The following SGCD variants were observed in gnomAD, a reference collection of about 807,000 sequenced individuals.
The protein encoded by SGCD is delta-sarcoglycan.
A neutral mutation model predicts 36.6 loss-of-function variants in SGCD; 18 were observed. That is an observed-to-expected ratio of 0.49 (90% CI 0.34 to 0.73). The LOEUF (loss-of-function observed/expected upper bound fraction) is 0.73, where lower values mean the gene tolerates loss of function less well. SGCD is among the 30% of genes least tolerant of loss of function. The pLI, the probability that SGCD is intolerant of heterozygous loss-of-function variation, is 0.01. For synonymous variants in SGCD, 133 were observed against 130.6 expected (o/e 1.02, Z -0.12); for missense variants, 387 against 346.7 (o/e 1.12, Z -0.92).
chr5:156,475,661 C>T (rs1012831249), intron 3 of SGCD, among the ~76,000 whole-genome samples: 2 of 152,146 alleles, frequency 1.3e-5, no homozygotes, highest in African/African-American at 4.8e-5. Flanking sequence ...GCAAGCCTGC[C>T]GCTAACCAAG....
At chr5:156,343,672 C>T (rs532409792) in intron 2 of SGCD, among the ~76,000 whole-genome samples, 6 of 152,234 alleles carry the variant, frequency 3.9e-5, no homozygotes, top group African/African-American at 1.4e-4. Flanking sequence ...TTCTAAAGGG[C>T]ATCAACGTAT....
the SGCD span, among the ~76,000 whole-genome samples, chr5:155,840,150 T>A: frequency 6.6e-6 from 1 of 152,110 alleles, no homozygotes; most frequent in Non-Finnish European, 1.5e-5. Context: ...ATTTTGTTGT[T>A]GAAATTTTTC....
chr5:155,816,251 C>T, the SGCD span, among the ~76,000 whole-genome samples: 1 of 152,146 alleles, frequency 6.6e-6, no homozygotes, highest in African/African-American at 2.4e-5. Context: ...CCTCATATAA[C>T]TTTTGACTCC....
chr5:156,489,259 AAGAT>A (rs1279082681), intron 3 of SGCD, among the ~76,000 whole-genome samples: 1 of 152,092 alleles, frequency 6.6e-6, no homozygotes, highest in Non-Finnish European at 1.5e-5. Context: ...TCTAAAGAGA[AAGAT>A]AGACTCCTAT....
Position 156,478,678 on chromosome 5 carries a change from T to G in SGCD, c.193-29923T>G, listed in dbSNP as rs1355790615. On this transcript the variant is annotated intron_variant, in intron 3 of 8. Transcript: ENST00000337851. Reference sequence around the variant, plus strand: ...TCACTGCAACCTCCGCCTCATGGTTTCAAGCAATTCTCCTGCCTCAGCCTC... The same window carrying G: ...TCACTGCAACCTCCGCCTCATGGTTGCAAGCAATTCTCCTGCCTCAGCCTC... Among the ~76,000 whole-genome samples the G allele has an allele frequency of 1.7e-4, 26 of 152,188 alleles. 1 individual carries two copies. The highest frequency in any genetic ancestry group is 1.7e-3 in the Admixed American group (26 of 15,280).
rs563559260 is a variant in SGCD, at chr5:156,580,669, C to A, written c.295-8562C>A. On this transcript the variant is annotated intron_variant, in intron 4 of 8. Coordinates refer to ENST00000337851, the MANE Select transcript of SGCD (RefSeq NM_000337.6). ...AATTTGATCTTCAATCACTGATAAC[C>A]TTTTCTTCTACTTGATTGAATCAGC... Among the ~76,000 whole-genome samples the A allele has an allele frequency of 3.5e-4, 54 of 152,242 alleles. No homozygotes were observed. In the South Asian group the frequency reaches 0.011, roughly 30 times the overall value.
chr5:155,896,241 T>C (rs1006133543), intron 1 of SGCD, among the ~76,000 whole-genome samples: 10 of 152,200 alleles, frequency 6.6e-5, no homozygotes, highest in African/African-American at 1.9e-4. Flanking sequence ...TCTAGTCCTG[T>C]CACCAGTTGG....
At chr5:156,178,386 G>C (rs1055057255) in intron 3 of SGCD, among the ~76,000 whole-genome samples, 2 of 152,178 alleles carry the variant, frequency 1.3e-5, no homozygotes, top group Non-Finnish European at 2.9e-5. Flanking sequence ...AGTTAATCAT[G>C]CATGCCAAAT....
intron 3 of SGCD, among the ~76,000 whole-genome samples, chr5:156,196,280 G>T (rs1251084515): frequency 6.6e-6 from 1 of 152,086 alleles, no homozygotes; most frequent in Non-Finnish European, 1.5e-5. Context: ...CCCATATAAA[G>T]GGAGGATTCT....
At chr5:156,567,444 G>T (rs1759541688) in intron 4 of SGCD, among the ~76,000 whole-genome samples, 1 of 152,006 alleles carries the variant, frequency 6.6e-6, no homozygotes, top group Admixed American at 6.6e-5. Flanking sequence ...TAGCTCATGT[G>T]ATTATGGAGG....
At chr5:156,040,650 G>A (rs1375046075) in intron 1 of SGCD, among the ~76,000 whole-genome samples, 1 of 152,144 alleles carries the variant, frequency 6.6e-6, no homozygotes, top group East Asian at 1.9e-4. Flanking sequence ...GAATTCATAG[G>A]CCTAGGTGGT....
the SGCD span, among the ~76,000 whole-genome samples, chr5:155,803,503 C>T: frequency 6.6e-6 from 1 of 152,144 alleles, no homozygotes. Context: ...TACTCCAGAG[C>T]CTCTTGCTGG....
intron 2 of SGCD, among the ~76,000 whole-genome samples, chr5:156,122,842 GTAAAAAAA>G: frequency 6.2e-5 from 2 of 32,470 alleles, no homozygotes; most frequent in African/African-American, 2.8e-4. Context: ...AAAAGATGTG[GTAAAAAAA>G]AAAAAAAAAA....
chr5:156,647,284 G>A (rs1763263952), intron 6 of SGCD, among the ~76,000 whole-genome samples, 180 bp from the exon 7 acceptor site: 1 of 152,138 alleles, frequency 6.6e-6, no homozygotes, highest in Admixed American at 6.6e-5. Flanking sequence ...TTTTTCAAAG[G>A]CTGTTTGCAT....
chr5:156,102,973 A>C (rs1282505190), intron 1 of SGCD, among the ~76,000 whole-genome samples: 1 of 152,190 alleles, frequency 6.6e-6, no homozygotes, highest in East Asian at 1.9e-4. Flanking sequence ...TGGATTACAC[A>C]GTATTTAGAT....
intron 4 of SGCD, among the ~76,000 whole-genome samples, chr5:156,516,111 C>CT: frequency 1.3e-5 from 2 of 152,364 alleles, no homozygotes; most frequent in East Asian, 3.9e-4. Context: ...GGAGGCCAGG[C>CT]AGTCCAGACA....
chr5:156,168,839 A>T (rs1287484348), intron 3 of SGCD, among the ~76,000 whole-genome samples: 1 of 152,138 alleles, frequency 6.6e-6, no homozygotes, highest in Non-Finnish European at 1.5e-5. Context: ...CTCAGGCTGA[A>T]CTCTCAAGAA....
chr5:156,522,258 G>A (rs541708705), intron 4 of SGCD, among the ~76,000 whole-genome samples: 20 of 152,016 alleles, frequency 1.3e-4, no homozygotes, highest in Admixed American at 3.3e-4. Flanking sequence ...TGAGTTGATG[G>A]GTGCAGCAAA....
intron 6 of SGCD, among the ~76,000 whole-genome samples, chr5:156,644,289 C>A (rs990391753): frequency 9.9e-5 from 15 of 152,022 alleles, no homozygotes; most frequent in African/African-American, 3.6e-4. Context: ...TTTTGCAAAT[C>A]TGTATTTTTC....
Sources: gnomAD v4.1 joint callset for allele counts (sites outside exome capture counted in the v4.1 genomes callset) on GRCh38, gnomAD v4.1.1 for gene constraint, MANE v1.5 for transcripts, NCBI Gene and HGNC (gene_info 2026-07-23, HGNC 2026-07-21) for gene names.